ASB7: variants seen among roughly 807,000 people sequenced by gnomAD.
ASB7 encodes the protein ankyrin repeat and SOCS box containing 7, also known as ankyrin repeat and SOCS box protein 7.
Under a neutral mutation model 32.5 loss-of-function variants are expected in ASB7, and 4 were observed. The ratio of observed to expected loss-of-function variants is 0.12; its 90% CI spans 0.06 to 0.28. The LOEUF (loss-of-function observed/expected upper bound fraction) is 0.28. Among genes scored for constraint, ASB7 ranks in the 10% least tolerant of loss-of-function variants. The pLI is 1.00. For missense variants in ASB7, 181 were observed against 407.1 expected (o/e 0.44, Z 4.78); for synonymous variants, 172 against 155.6 (o/e 1.11, Z -0.78).
intron 2 of ASB7, among the ~76,000 whole-genome samples, chr15:100,604,708 T>G (rs11856446): frequency 0.66 from 100,352 of 151,970 alleles, 33,655 homozygotes; most frequent in South Asian, 0.76. Flanking sequence ...CTGTTCCCTG[T>G]TGAAAACTTA....
rs774980699 is a variant in ASB7, at chr15:100,630,027, T to C, written c.802T>C (p.Leu268=). 6 of 1,597,626 alleles carry C rather than the reference T, an allele frequency of 3.8e-6. No individual in the cohort carries two copies. The Admixed American group carries it at 8.6e-5, about 23-fold the overall frequency. ...SGSSRPCLDF[L]QEVTRQPRNL... ...AAGTAGTCGACCATGTTTGGATTTC[T>C]TACAAGAAGTCACAAGTATGTAATA... The change falls in exon 5 of 6, where the codon TTA becomes CTA. Residue 268 remains leucine (L), a synonymous_variant. Coordinates refer to ENST00000332783, the MANE Select transcript of ASB7 (RefSeq NM_198243.3).
intron 4 of ASB7, among the ~76,000 whole-genome samples, chr15:100,624,406 C>T (rs2039819924): frequency 6.6e-6 from 1 of 152,142 alleles, no homozygotes; most frequent in Non-Finnish European, 1.5e-5. Flanking sequence ...GTAATAGATA[C>T]TCACATATAC....
chr15:100,630,061 A>C lies in ASB7; in HGVS notation c.817+19A>C, dbSNP rs376338708. 1 of 1,533,482 alleles carries C rather than the reference A, an allele frequency of 6.5e-7. No homozygotes were observed. Among genetic ancestry groups the C allele is most frequent in the African/African-American group, 1.4e-5 (1 of 71,844 alleles). The allele number at this position is 1,533,482 out of a possible 1,614,324, so 95.0% of individuals were successfully genotyped here. A position where few individuals can be genotyped will look rare whatever the true frequency, so the allele number is the denominator to read the frequency against. On this transcript the variant is annotated intron_variant, in intron 5 of 5. Coordinates refer to ENST00000332783, the MANE Select transcript of ASB7 (RefSeq NM_198243.3). Reference sequence around the variant, plus strand: ...GTCACAAGTATGTAATATAATTATTACTTTATTGCATTTTTTAAAAATTTG... The same window carrying C: ...GTCACAAGTATGTAATATAATTATTCCTTTATTGCATTTTTTAAAAATTTG...
chr15:100,612,085 A>G, intron 3 of ASB7, 81 bp from the exon 4 acceptor site: 1 of 773,990 alleles, frequency 1.3e-6, no homozygotes, highest in Non-Finnish European at 2.2e-6. Flanking sequence ...TAGCAAATGG[A>G]ATGTTCTGTG....
intron 5 of ASB7, chr15:100,645,806 T>A: frequency 6.7e-7 from 1 of 1,492,214 alleles, no homozygotes; most frequent in Non-Finnish European, 9.3e-7. Flanking sequence ...AAAGTTGACT[T>A]AAGATTGCCA....
intron 5 of ASB7, among the ~76,000 whole-genome samples, chr15:100,630,527 A>G (rs755187182): frequency 7.9e-5 from 12 of 152,220 alleles, no homozygotes; most frequent in Non-Finnish European, 1.5e-4. Flanking sequence ...CCCACATGAA[A>G]TGGAGCAGTG....
chr15:100,641,945 A>AGTG (rs1240478645), intron 5 of ASB7, among the ~76,000 whole-genome samples: 1 of 152,188 alleles, frequency 6.6e-6, no homozygotes, highest in African/African-American at 2.4e-5. Flanking sequence ...AGAGACTGCA[A>AGTG]GTGGTGGTGG....
chr15:100,627,268 G>A (rs907117770), intron 4 of ASB7, among the ~76,000 whole-genome samples: 1 of 152,298 alleles, frequency 6.6e-6, no homozygotes, highest in South Asian at 2.1e-4. Context: ...GTTCAGTGGG[G>A]TTGCTGTTTT....
intron 2 of ASB7, among the ~76,000 whole-genome samples, chr15:100,607,345 A>G (rs1358653990): frequency 2.0e-5 from 3 of 152,088 alleles, no homozygotes; most frequent in Admixed American, 6.5e-5. Flanking sequence ...TTTCAGCTCC[A>G]TAGTCTTTTC....
chr15:100,620,691 T>C (rs1424034384), intron 4 of ASB7, among the ~76,000 whole-genome samples: 6 of 151,868 alleles, frequency 4.0e-5, no homozygotes. Flanking sequence ...GATGGAAGAG[T>C]CTCTATTATA....
At chr15:100,611,342 CTG>C (rs2039693352) in intron 3 of ASB7, among the ~76,000 whole-genome samples, 1 of 152,086 alleles carries the variant, frequency 6.6e-6, no homozygotes, top group South Asian at 2.1e-4. Flanking sequence ...ACGTGAGCCA[CTG>C]TGCCTGGCCA....
intron 5 of ASB7, among the ~76,000 whole-genome samples, chr15:100,637,864 C>A (rs992114425): frequency 6.6e-6 from 1 of 152,116 alleles, no homozygotes; most frequent in African/African-American, 2.4e-5. Flanking sequence ...ACTCCAGCTG[C>A]CTTCTGTGAA....
chr15:100,628,218 G>C (rs1021873682), intron 4 of ASB7, among the ~76,000 whole-genome samples: 1 of 152,060 alleles, frequency 6.6e-6, no homozygotes, highest in African/African-American at 2.4e-5. Context: ...TTTTGTATAG[G>C]TTTTGTTAGC....
intron 5 of ASB7, among the ~76,000 whole-genome samples, chr15:100,632,856 C>CAAA (rs779025596): frequency 3.1e-5 from 2 of 64,214 alleles, no homozygotes; most frequent in African/African-American, 1.3e-4. Flanking sequence ...CTATATAGTG[C>CAAA]AAAAAAAAAA....
intron 4 of ASB7, among the ~76,000 whole-genome samples, chr15:100,622,931 G>A (rs1226878238): frequency 6.6e-6 from 1 of 151,976 alleles, no homozygotes; most frequent in African/African-American, 2.4e-5. Flanking sequence ...TAGGCAAATG[G>A]GACTATATTT....
intron 2 of ASB7, among the ~76,000 whole-genome samples, chr15:100,604,306 A>AG (rs1385498006): frequency 6.6e-6 from 1 of 152,202 alleles, no homozygotes; most frequent in Non-Finnish European, 1.5e-5. Context: ...TAATTCCTAA[A>AG]GGGGGGATAT....
chr15:100,648,252 G>T, intron 5 of ASB7, 71 bp from the exon 6 acceptor site: 1 of 1,451,028 alleles, frequency 6.9e-7, no homozygotes, highest in Non-Finnish European at 9.2e-7. Flanking sequence ...GAAATGAACA[G>T]TTCTTTTCAA....
intron 4 of ASB7, among the ~76,000 whole-genome samples, chr15:100,615,517 A>G (rs2039735132): frequency 6.6e-6 from 1 of 152,186 alleles, no homozygotes; most frequent in Non-Finnish European, 1.5e-5. Flanking sequence ...TTATTTTTTG[A>G]GAATGGCTGG....
intron 5 of ASB7, among the ~76,000 whole-genome samples, chr15:100,634,187 G>T (rs1237425934): frequency 3.9e-5 from 6 of 152,134 alleles, no homozygotes; most frequent in Non-Finnish European, 7.3e-5. Context: ...CTTCCTCACA[G>T]GGTAAACTCC....
Sources: gnomAD v4.1 joint callset for allele counts (sites outside exome capture counted in the v4.1 genomes callset) on GRCh38, gnomAD v4.1.1 for gene constraint, MANE v1.5 for transcripts, NCBI Gene and HGNC (gene_info 2026-07-23, HGNC 2026-07-21) for gene names.